The following ARMC9 variants were observed in gnomAD, a reference collection of about 807,000 sequenced individuals.
ARMC9 encodes lisH domain-containing protein ARMC9.
Under a neutral mutation model 107.0 loss-of-function variants are expected in ARMC9, and 94 were observed. The observed-to-expected ratio is 0.88, with a 90% CI of 0.74 to 1.04. The LOEUF is 1.04. ARMC9 is among the 50% of genes least tolerant of loss of function. The pLI is 0.00. For synonymous variants in ARMC9, 380 were observed against 396.9 expected, an observed-to-expected ratio of 0.96 and a Z score of 0.51; for missense variants, 942 against 1,030.1, an observed-to-expected ratio of 0.91 and a Z score of 1.17.
chr2:231,202,054 C>T (rs2031101147), intron 1 of ARMC9, among the ~76,000 whole-genome samples: 1 of 148,944 alleles, frequency 6.7e-6, no homozygotes, highest in Admixed American at 6.7e-5. Context: ...GGATGGAGTG[C>T]AATGGCACGA....
At chr2:231,223,254 C>T (rs2034327684) in intron 6 of ARMC9, among the ~76,000 whole-genome samples, 1 of 152,040 alleles carries the variant, frequency 6.6e-6, no homozygotes, top group Non-Finnish European at 1.5e-5. Context: ...ATTTACATAC[C>T]ATAAAATCTA....
intron 17 of ARMC9, among the ~76,000 whole-genome samples, chr2:231,286,922 G>T (rs1307685567): frequency 1.3e-5 from 2 of 152,206 alleles, no homozygotes; most frequent in African/African-American, 4.8e-5. Context: ...CAAGGCCTGG[G>T]GCTGGAGAAG....
intron 24 of ARMC9, chr2:231,370,640 G>A (rs1375191209): frequency 6.3e-6 from 1 of 159,634 alleles, no homozygotes; most frequent in Admixed American, 6.3e-5. Flanking sequence ...AGGGCCTGAA[G>A]ATGGGATGGG....
intron 3 of ARMC9, among the ~76,000 whole-genome samples, chr2:231,208,992 C>G (rs1367352330): frequency 6.6e-6 from 1 of 151,974 alleles, no homozygotes; most frequent in African/African-American, 2.4e-5. Flanking sequence ...ACCTCTGCCT[C>G]CAGGATTCAA....
At chr2:231,271,413 T>TGAAACAATTACGGCAAAATAAGC (rs1330190238) in intron 13 of ARMC9, among the ~76,000 whole-genome samples, 9 of 152,142 alleles carry the variant, frequency 5.9e-5, no homozygotes. Flanking sequence ...GCAAAATAAG[T>TGAAACAATTACGGCAAAATAAGC]GAAACAATTA....
chr2:231,276,733 T>C lies in ARMC9; in HGVS notation c.1432T>C (p.Tyr478His), dbSNP rs1317882155. The C allele has an allele frequency of 6.2e-7, 1 of 1,614,120 alleles. No individual in the cohort carries two copies. Among genetic ancestry groups the C allele is most frequent in the Admixed American group, 1.7e-5 (1 of 60,020 alleles). Residue 478 changes from tyrosine to histidine, a missense_variant, in exon 15 of 25, where the codon TAC (tyrosine) becomes CAC (histidine). Coordinates refer to ENST00000611582, the MANE Select transcript of ARMC9 (RefSeq NM_001352754.2). ...PDCLSDYTLE[Y>H]SVALLMNLCL... Reference sequence around the variant, plus strand: ...CTGCCTGTCTGACTACACGCTGGAGTACTCGGTGGCTTTGCTCATGAACCT... The same window carrying C: ...CTGCCTGTCTGACTACACGCTGGAGCACTCGGTGGCTTTGCTCATGAACCT...
chr2:231,273,532 A>G lies in ARMC9; in HGVS notation c.1334+454A>G, dbSNP rs549954403. Among the ~76,000 whole-genome samples the G allele has an allele frequency of 1.4e-3, 206 of 152,158 alleles. 3 individuals are homozygous for G. The South Asian group carries it at 0.041, about 30-fold the overall frequency. On this transcript the variant is annotated intron_variant, in intron 14 of 24. Transcript: ENST00000611582. Reference sequence around the variant, plus strand: ...GTCCATGATCCCAGCAGCCCACCCCATGGGATCAGCCTAGACCGTCATGAC... The same window carrying G: ...GTCCATGATCCCAGCAGCCCACCCCGTGGGATCAGCCTAGACCGTCATGAC...
rs138460773 is a variant in ARMC9 at position 231,245,394 on chromosome 2, C to T, written c.879+5353C>T. On this transcript the variant is annotated intron_variant, in intron 9 of 24. Coordinates refer to ENST00000611582, the MANE Select transcript of ARMC9 (RefSeq NM_001352754.2). ...GCAGTGCTAGGCTGTTCCTGGATGA[C>T]AGTCTGCTGTCGGGGTTTCACCCAT... Among the ~76,000 whole-genome samples, 384 of 152,346 alleles carry T rather than the reference C, an allele frequency of 2.5e-3. 2 individuals are homozygous for T. Among genetic ancestry groups the T allele is most frequent in the African/African-American group, 8.7e-3 (361 of 41,572 alleles).
intron 19 of ARMC9, among the ~76,000 whole-genome samples, chr2:231,302,884 A>G (rs1282510333): frequency 6.6e-6 from 1 of 152,114 alleles, no homozygotes; most frequent in Non-Finnish European, 1.5e-5. Context: ...TGCGCCTGTA[A>G]TCTCAGCTAC....
intron 22 of ARMC9, among the ~76,000 whole-genome samples, chr2:231,357,579 C>CTTTAT (rs150161159): frequency 2.0e-5 from 3 of 151,628 alleles, no homozygotes; most frequent in Non-Finnish European, 4.4e-5. Context: ...TTTTATTTTA[C>CTTTAT]TTTATTTTAT....
At chr2:231,234,787 G>A (rs1323319510) in intron 7 of ARMC9, among the ~76,000 whole-genome samples, 1 of 152,136 alleles carries the variant, frequency 6.6e-6, no homozygotes, top group Non-Finnish European at 1.5e-5. Context: ...TATTTTTTTA[G>A]TAGAGATGGG....
chr2:231,315,718 TTTTG>T (rs1235259606), intron 19 of ARMC9, among the ~76,000 whole-genome samples: 4 of 130,028 alleles, frequency 3.1e-5, no homozygotes, highest in African/African-American at 1.1e-4. Flanking sequence ...TTCAAAATTG[TTTTG>T]TTTAATATTC....
chr2:231,331,712 C>A, intron 19 of ARMC9, 81 bp from the exon 20 acceptor site: 1 of 1,236,308 alleles, frequency 8.1e-7, no homozygotes, highest in Non-Finnish European at 1.2e-6. Context: ...TGTTTCATGA[C>A]AGCTACACAT....
At chr2:231,365,096 A>G (rs1260354023) in intron 23 of ARMC9, among the ~76,000 whole-genome samples, 1 of 152,224 alleles carries the variant, frequency 6.6e-6, no homozygotes, top group African/African-American at 2.4e-5. Flanking sequence ...GCCAGGAGCC[A>G]GGGCCAGGAA....
chr2:231,313,505 A>AT (rs1396302573), intron 19 of ARMC9, among the ~76,000 whole-genome samples: 1 of 152,178 alleles, frequency 6.6e-6, no homozygotes, highest in Non-Finnish European at 1.5e-5. Flanking sequence ...CATAAAATTC[A>AT]TCTGTTTTAA....
intron 19 of ARMC9, among the ~76,000 whole-genome samples, chr2:231,307,444 C>T (rs2125505106): frequency 6.6e-6 from 1 of 152,268 alleles, no homozygotes; most frequent in South Asian, 2.1e-4. Flanking sequence ...TTGGAAAGCA[C>T]ACTTGGGGGC....
chr2:231,230,199 A>G (rs998947481), intron 7 of ARMC9, among the ~76,000 whole-genome samples: 31 of 152,022 alleles, frequency 2.0e-4, no homozygotes, highest in Admixed American at 2.0e-3. Context: ...CTATTGCTAT[A>G]AAAACTAAAA....
chr2:231,279,504 CTTTTTTCT>C lies in ARMC9; in HGVS notation c.1551+1053_1551+1060del, dbSNP rs1574925516. Among the ~76,000 whole-genome samples the C allele has an allele frequency of 4.3e-5, 6 of 139,640 alleles. No homozygotes were observed. The East Asian group carries it at 1.1e-3, about 27-fold the overall frequency. 91.6% of individuals were successfully genotyped at this position (139,640 alleles called of 152,430 possible). A position where few individuals can be genotyped will look rare whatever the true frequency, so the allele number is the denominator to read the frequency against. On this transcript the variant is annotated intron_variant, in intron 16 of 24. Transcript: ENST00000611582. ...TTTCTTTCTTTCTTTTCTTTTTTTT[CTTTTTTCT>C]TTTTTTTTTTTTTTTTGAGACAGAG...
rs541014940 is a variant in ARMC9 at position 231,282,131 on chromosome 2, A to G, written c.1624A>G (p.Met542Val). The G allele has an allele frequency of 3.1e-6, 5 of 1,614,102 alleles. 1 individual carries two copies. In the South Asian group the frequency reaches 5.5e-5, roughly 18 times the overall value. Residue 542 changes from methionine to valine, a missense_variant and splice_region_variant, in exon 17 of 25, where the codon ATG (methionine) becomes GTG (valine). Met to Val is a conservative substitution (Grantham distance 21). Coordinates refer to ENST00000611582, the MANE Select transcript of ARMC9 (RefSeq NM_001352754.2). The stretch of plus-strand genomic sequence containing the variant: ...ATCCATTCGTGAGGAAGCAAGAGCA[A>G]TGGTAAGAAAGCGTGCCTGAGAAAC... ...VPSIREEARA[M>V]GMEDILRCFI...
Sources: allele counts gnomAD v4.1 joint callset (sites outside exome capture counted in the v4.1 genomes callset), GRCh38; gene constraint gnomAD v4.1.1; transcripts MANE v1.5; gene names NCBI Gene and HGNC (gene_info 2026-07-23, HGNC 2026-07-21).